Variants in CCDC6 observed in about 807,000 individuals in gnomAD.
The protein encoded by CCDC6 is coiled-coil domain-containing protein 6.
CCDC6 carries 20 observed loss-of-function variants against 56.6 expected under a neutral mutation model. The ratio of observed to expected loss-of-function variants is 0.35; its 90% confidence interval spans 0.25 to 0.51. The LOEUF (loss-of-function observed/expected upper bound fraction) is 0.51, where lower values mean the gene tolerates loss of function less well. Ranked by LOEUF, CCDC6 falls within the 20% of genes least tolerant of loss-of-function variation. The pLI, the probability that CCDC6 is intolerant of heterozygous loss-of-function variation, is 0.95. For synonymous variants in CCDC6, 241 were observed against 234.4 expected (o/e 1.03, Z -0.26); for missense variants, 367 against 601.1 (o/e 0.61, Z 4.07).
chr10:59,812,446 TC>T (rs1326632674), intron 5 of CCDC6, among the ~76,000 whole-genome samples, 188 bp downstream of exon 5: 1 of 144,318 alleles, frequency 6.9e-6, no homozygotes, highest in African/African-American at 2.6e-5. Context: ...GGTTTTGTTC[TC>T]CCCTACTATA....
At chr10:59,845,267 CTCTA>C (rs2070981221) in intron 2 of CCDC6, among the ~76,000 whole-genome samples, 1 of 151,606 alleles carries the variant, frequency 6.6e-6, no homozygotes, top group African/African-American at 2.4e-5. Flanking sequence ...TGTTTTTCCC[CTCTA>C]TCTACTTTTT....
chr10:59,853,272 CATGTA>C (rs1564749026), intron 1 of CCDC6, among the ~76,000 whole-genome samples: 2 of 152,174 alleles, frequency 1.3e-5, no homozygotes, highest in Admixed American at 1.3e-4. Flanking sequence ...GTGACTTACA[CATGTA>C]ATCCTAGCAC....
At chr10:59,797,866 T>C (rs1034823721) in intron 7 of CCDC6, among the ~76,000 whole-genome samples, 12 of 152,054 alleles carry the variant, frequency 7.9e-5, no homozygotes, top group African/African-American at 2.7e-4. Context: ...AGTCTTCATG[T>C]AGGAGTCCAG....
At chr10:59,882,896 G>T (rs1310244280) in intron 1 of CCDC6, among the ~76,000 whole-genome samples, 1 of 151,990 alleles carries the variant, frequency 6.6e-6, no homozygotes, top group Non-Finnish European at 1.5e-5. Flanking sequence ...GGAGGCGGAG[G>T]TTGCAGTGAG....
At chr10:59,899,666 C>G (rs1278821817) in intron 1 of CCDC6, among the ~76,000 whole-genome samples, 3 of 152,190 alleles carry the variant, frequency 2.0e-5, no homozygotes, top group African/African-American at 7.2e-5. Context: ...TCATAGGAAA[C>G]ACCTGGAATG....
At chr10:59,882,047 C>CG (rs1564755820) in intron 1 of CCDC6, among the ~76,000 whole-genome samples, 1 of 83,672 alleles carries the variant, frequency 1.2e-5, no homozygotes, top group Admixed American at 1.5e-4. Flanking sequence ...AAAGGAAAGC[C>CG]AGGGGGAGAA....
intron 1 of CCDC6, among the ~76,000 whole-genome samples, chr10:59,897,426 T>C (rs2071471974): frequency 6.6e-6 from 1 of 152,084 alleles, no homozygotes; most frequent in East Asian, 1.9e-4. Flanking sequence ...GCTAATTTTT[T>C]GTATTTTTAG....
intron 3 of CCDC6, among the ~76,000 whole-genome samples, chr10:59,830,879 G>A (rs1025445599): frequency 6.6e-6 from 1 of 152,148 alleles, no homozygotes; most frequent in African/African-American, 2.4e-5. Flanking sequence ...AGGAGCCTGT[G>A]AACAAATACC....
intron 5 of CCDC6, among the ~76,000 whole-genome samples, 153 bp from the exon 6 acceptor site, chr10:59,807,231 T>C (rs1372788231): frequency 6.6e-6 from 1 of 152,216 alleles, no homozygotes; most frequent in Non-Finnish European, 1.5e-5. Context: ...ACACTTGTAA[T>C]CCTGGCACTT....
intron 1 of CCDC6, among the ~76,000 whole-genome samples, chr10:59,853,256 G>A (rs2071053891): frequency 6.6e-6 from 1 of 152,222 alleles, no homozygotes; most frequent in African/African-American, 2.4e-5. Context: ...TTATGGGCCA[G>A]GTGCAGTGAC....
chr10:59,830,941 T>C (rs1290431468), intron 3 of CCDC6, among the ~76,000 whole-genome samples: 1 of 152,238 alleles, frequency 6.6e-6, no homozygotes, highest in Non-Finnish European at 1.5e-5. Flanking sequence ...GTGAAGGGCA[T>C]GGCCAGGCAA....
Position 59,793,100 on chromosome 10 carries a change from T to C in CCDC6, c.1242A>G (p.Pro414=). ...ATTTGTCAGGACTGTTGCTTCTCCG[T>C]GGTGAAGGCCTCTGCAGAGGGGACA... ...GTSHGITRPS[P]RRSNSPDKFK... The change falls in exon 9 of 9, where the codon CCA becomes CCG. Residue 414 remains proline, a synonymous_variant. Coordinates refer to ENST00000263102, the MANE Select transcript of CCDC6 (RefSeq NM_005436.5). 3 of 1,613,954 alleles carry C rather than the reference T, an allele frequency of 1.9e-6. No individual in the cohort carries two copies.
At chr10:59,842,157 T>A (rs948715743) in intron 2 of CCDC6, among the ~76,000 whole-genome samples, 1 of 152,028 alleles carries the variant, frequency 6.6e-6, no homozygotes, top group African/African-American at 2.4e-5. Flanking sequence ...TTCTCCTGCC[T>A]CAGCATCCCG....
intron 4 of CCDC6, among the ~76,000 whole-genome samples, chr10:59,813,795 TTATAGA>T (rs2070691239): frequency 6.6e-6 from 1 of 152,254 alleles, no homozygotes; most frequent in Admixed American, 6.5e-5. Context: ...CAAGTATTTC[TTATAGA>T]TATAGCTCTA....
chr10:59,892,891 ACTC>A (rs1385140540), intron 1 of CCDC6, among the ~76,000 whole-genome samples: 6 of 150,700 alleles, frequency 4.0e-5, no homozygotes, highest in African/African-American at 1.5e-4. Flanking sequence ...GCTGTGTCAC[ACTC>A]CTTTCACGTC....
At chr10:59,851,180 T>C (rs2071036503) in intron 2 of CCDC6, among the ~76,000 whole-genome samples, 1 of 139,930 alleles carries the variant, frequency 7.1e-6, no homozygotes, top group Admixed American at 7.3e-5. Context: ...CCAAAAATTA[T>C]GGCACCTGAT....
At chr10:59,877,981 A>T (rs949492785) in intron 1 of CCDC6, among the ~76,000 whole-genome samples, 1 of 152,254 alleles carries the variant, frequency 6.6e-6, no homozygotes, top group Non-Finnish European at 1.5e-5. Flanking sequence ...AAAATACTTG[A>T]AAGTGTTAAG....
intron 1 of CCDC6, among the ~76,000 whole-genome samples, chr10:59,860,079 CT>C (rs1376793420): frequency 6.6e-6 from 1 of 152,140 alleles, no homozygotes; most frequent in Admixed American, 6.5e-5. Flanking sequence ...GAGATTCTGT[CT>C]TGAAATAAAG....
intron 1 of CCDC6, among the ~76,000 whole-genome samples, chr10:59,856,434 A>C (rs1433590760): frequency 6.6e-6 from 1 of 152,158 alleles, no homozygotes; most frequent in Non-Finnish European, 1.5e-5. Context: ...ATCATAAAAA[A>C]AGTATTAAGT....
Sources: gnomAD v4.1 joint callset for allele counts (sites outside exome capture counted in the v4.1 genomes callset) on GRCh38, gnomAD v4.1.1 for gene constraint, MANE v1.5 for transcripts, NCBI Gene and HGNC (gene_info 2026-07-23, HGNC 2026-07-21) for gene names.